The following SDK1 variants were observed in gnomAD, a reference collection of about 807,000 sequenced individuals.
SDK1 encodes the protein sidekick cell adhesion molecule 1.
SDK1 carries 157 observed loss-of-function variants against 245.5 expected under a neutral mutation model. The ratio of observed to expected loss-of-function variants is 0.64; its 90% CI spans 0.56 to 0.73. The LOEUF is 0.73. Among genes scored for constraint, SDK1 ranks in the 30% least tolerant of loss-of-function variants. SDK1 has a pLI of 0.00. For synonymous variants in SDK1, 1,647 were observed against 1,278.5 expected (o/e 1.29, Z -6.15); for missense variants, 3,583 against 3,002.3 (o/e 1.19, Z -4.52).
At chr7:3,624,448 C>T (rs977215975) in intron 2 of SDK1, among the ~76,000 whole-genome samples, 1 of 152,108 alleles carries the variant, frequency 6.6e-6, no homozygotes, top group African/African-American at 2.4e-5. Context: ...ATCTGCCAGC[C>T]TTGACCTCCC....
chr7:3,632,488 A>G (rs1255861520), intron 2 of SDK1, among the ~76,000 whole-genome samples: 3 of 152,332 alleles, frequency 2.0e-5, no homozygotes, highest in East Asian at 3.9e-4. Flanking sequence ...CATCTAATTG[A>G]TACCAGGAGA....
At chr7:3,808,540 C>G (rs1779306631) in intron 4 of SDK1, among the ~76,000 whole-genome samples, 1 of 152,198 alleles carries the variant, frequency 6.6e-6, no homozygotes. Context: ...CCGACCTGCA[C>G]CGTGAGGCAG....
rs569065881 is a variant in SDK1 at position 3,467,827 on chromosome 7, C to G, written c.299-151253C>G. ...CTAAATGGAAATTTAGTCTTTTTCC[C>G]TTAGCATTAGACTTTATTAGCTTGT... On this transcript the variant is annotated intron_variant, in intron 1 of 44. Coordinates refer to ENST00000404826, the MANE Select transcript of SDK1 (RefSeq NM_152744.4). Among the ~76,000 whole-genome samples the G allele has an allele frequency of 6.6e-5, 10 of 152,090 alleles. No homozygotes were observed. In the East Asian group the frequency reaches 1.9e-3, roughly 29 times the overall value.
At chr7:3,517,845 A>T (rs1782802264) in intron 1 of SDK1, among the ~76,000 whole-genome samples, 1 of 152,188 alleles carries the variant, frequency 6.6e-6, no homozygotes, top group Non-Finnish European at 1.5e-5. Context: ...CACTATAGTT[A>T]AAATTGCTCT....
In SDK1 at chr7:3,511,530, A is replaced by C. The variant is rs993986141; in HGVS notation, c.299-107550A>C. On this transcript the variant is annotated intron_variant, in intron 1 of 44. Transcript: ENST00000404826. The stretch of plus-strand genomic sequence containing the variant: ...AGGAAAATTTATTAGTCAAATTGTC[A>C]GACTCTGTTAAATGGCTTGTCAAAA... Among the ~76,000 whole-genome samples, 28 of 152,180 alleles carry C rather than the reference A, an allele frequency of 1.8e-4. 1 individual carries two copies. Among genetic ancestry groups the C allele is most frequent in the Non-Finnish European group, 4.4e-5 (3 of 68,034 alleles).
chr7:3,530,024 A>G (rs1312187483), intron 1 of SDK1, among the ~76,000 whole-genome samples: 4 of 152,180 alleles, frequency 2.6e-5, no homozygotes, highest in Non-Finnish European at 4.4e-5. Flanking sequence ...TATTCCTTAG[A>G]ATAGAGTTCT....
chr7:3,688,755 C>T lies in SDK1; in HGVS notation c.713+46650C>T, dbSNP rs116612896. ...ACTTTTTAGAGGGAAAATACTACAGCGGCTGAAAGCACAGGCTGAGGAGTC... is the reference window on the plus strand; with the variant it reads ...ACTTTTTAGAGGGAAAATACTACAGTGGCTGAAAGCACAGGCTGAGGAGTC... On this transcript the variant is annotated intron_variant, in intron 4 of 44. Coordinates refer to ENST00000404826, the MANE Select transcript of SDK1 (RefSeq NM_152744.4). Among the ~76,000 whole-genome samples the T allele has an allele frequency of 3.6e-3, 549 of 152,298 alleles. 5 individuals are homozygous for T. Among genetic ancestry groups the T allele is most frequent in the African/African-American group, 0.013 (523 of 41,554 alleles).
intron 4 of SDK1, among the ~76,000 whole-genome samples, chr7:3,652,158 T>G (rs1181594287): frequency 6.6e-6 from 1 of 152,182 alleles, no homozygotes; most frequent in African/African-American, 2.4e-5. Flanking sequence ...GAGACAACTC[T>G]TTGGGCATTT....
chr7:4,210,629 C>T (rs1361868631), intron 38 of SDK1, among the ~76,000 whole-genome samples: 2 of 152,186 alleles, frequency 1.3e-5, no homozygotes, highest in Non-Finnish European at 2.9e-5. Context: ...CCCTGGTGCT[C>T]CCCTCGCTCA....
intron 4 of SDK1, among the ~76,000 whole-genome samples, chr7:3,687,291 G>A (rs1056449109): frequency 6.6e-6 from 1 of 151,728 alleles, no homozygotes; most frequent in African/African-American, 2.4e-5. Context: ...ACCACACCCA[G>A]CTAATTTTTG....
At chr7:3,973,192 C>T (rs1396255854) in intron 12 of SDK1, among the ~76,000 whole-genome samples, 2 of 152,174 alleles carry the variant, frequency 1.3e-5, no homozygotes, top group African/African-American at 4.8e-5. Context: ...GACCAGCCAG[C>T]CAGATGCGAT....
chr7:3,930,043 G>A (rs1779917532), intron 5 of SDK1, among the ~76,000 whole-genome samples: 2 of 152,072 alleles, frequency 1.3e-5, no homozygotes, highest in South Asian at 4.1e-4. Context: ...TGGAGACTCA[G>A]CCCACCCAGC....
At chr7:3,508,332 T>C (rs898078463) in intron 1 of SDK1, among the ~76,000 whole-genome samples, 1 of 151,058 alleles carries the variant, frequency 6.6e-6, no homozygotes, top group African/African-American at 2.4e-5. Context: ...TCTTCTTTTT[T>C]TTTTTTTTTT....
intron 4 of SDK1, among the ~76,000 whole-genome samples, chr7:3,801,950 C>G (rs2115036198): frequency 6.6e-6 from 1 of 152,344 alleles, no homozygotes; most frequent in African/African-American, 2.4e-5. Flanking sequence ...TTAGTTTAGA[C>G]TTTCTGCTTT....
At chr7:3,564,918 C>G (rs993686865) in intron 1 of SDK1, among the ~76,000 whole-genome samples, 1 of 151,774 alleles carries the variant, frequency 6.6e-6, no homozygotes, top group Non-Finnish European at 1.5e-5. Context: ...GGCAAAAATG[C>G]GATTATCTCA....
intron 1 of SDK1, among the ~76,000 whole-genome samples, chr7:3,310,914 T>A (rs1779533758): frequency 6.6e-6 from 1 of 152,216 alleles, no homozygotes; most frequent in Admixed American, 6.5e-5. Context: ...TTCCTGTAGT[T>A]GTTGTGAGGG....
At chr7:4,012,000 C>T in intron 15 of SDK1, 95 bp from the exon 16 acceptor site, 1 of 1,120,812 alleles carries the variant, frequency 8.9e-7, no homozygotes, top group Non-Finnish European at 1.2e-6. Context: ...TGTGAATAGT[C>T]AGGCTCAAGA....
chr7:3,320,409 A>G (rs912936706), intron 1 of SDK1, among the ~76,000 whole-genome samples: 3 of 152,198 alleles, frequency 2.0e-5, no homozygotes, highest in African/African-American at 4.8e-5. Flanking sequence ...CTATAGTAAC[A>G]TGCTGCTCTG....
intron 5 of SDK1, among the ~76,000 whole-genome samples, chr7:3,889,510 ATTC>A (rs991267855): frequency 6.6e-6 from 1 of 151,668 alleles, no homozygotes; most frequent in Non-Finnish European, 1.5e-5. Flanking sequence ...TGGCTAGATG[ATTC>A]TTTTTTTTTT....
Sources: allele counts gnomAD v4.1 joint callset (sites outside exome capture counted in the v4.1 genomes callset), GRCh38; gene constraint gnomAD v4.1.1; transcripts MANE v1.5; gene names NCBI Gene and HGNC (gene_info 2026-07-23, HGNC 2026-07-21).